AFF3: variants seen among roughly 807,000 people sequenced by gnomAD.
The protein encoded by AFF3 is AF4/FMR2 family member 3.
A neutral mutation model predicts 129.7 loss-of-function variants in AFF3; 32 were observed. The ratio of observed to expected loss-of-function variants is 0.25; its 90% CI spans 0.19 to 0.33. AFF3 has a LOEUF of 0.33. Ranked by LOEUF, AFF3 falls within the 10% of genes least tolerant of loss-of-function variation. AFF3 has a pLI of 1.00. For missense variants in AFF3, 1,373 were observed against 1,592.0 expected (o/e 0.86, Z 2.34); for synonymous variants, 644 against 635.4 (o/e 1.01, Z -0.20).
intron 11 of AFF3, among the ~76,000 whole-genome samples, chr2:99,719,842 G>A (rs1477135860): frequency 6.6e-6 from 1 of 152,094 alleles, no homozygotes; most frequent in Non-Finnish European, 1.5e-5. Context: ...AAGGTCAGGA[G>A]ATGGAGACCA....
chr2:99,556,703 C>T (rs1350952200), intron 22 of AFF3, among the ~76,000 whole-genome samples: 5 of 152,042 alleles, frequency 3.3e-5, no homozygotes, highest in African/African-American at 1.2e-4. Context: ...AGTAGGCTCG[C>T]TGGAGGACAG....
At chr2:99,936,181 T>C (rs1442961873) in intron 7 of AFF3, among the ~76,000 whole-genome samples, 2 of 152,122 alleles carry the variant, frequency 1.3e-5, no homozygotes, top group Non-Finnish European at 2.9e-5. Context: ...GGGTATGAAT[T>C]AGAGGATCTC....
intron 10 of AFF3, among the ~76,000 whole-genome samples, chr2:99,730,990 G>A (rs757584032): frequency 6.6e-6 from 1 of 152,116 alleles, no homozygotes; most frequent in Non-Finnish European, 1.5e-5. Flanking sequence ...GTCCCAGTCT[G>A]TTGCCCAGAC....
At chr2:99,991,007 A>C (rs1039957026) in intron 7 of AFF3, among the ~76,000 whole-genome samples, 3 of 152,148 alleles carry the variant, frequency 2.0e-5, no homozygotes, top group Non-Finnish European at 4.4e-5. Context: ...CCACAGGCTC[A>C]AATGAGGCCC....
chr2:100,093,849 G>A (rs1280477255), intron 4 of AFF3, among the ~76,000 whole-genome samples: 5 of 152,198 alleles, frequency 3.3e-5, no homozygotes, highest in Non-Finnish European at 7.3e-5. Flanking sequence ...ACTGTAACCT[G>A]AGCCCAGACT....
At chr2:99,992,610 T>C (rs1030646807) in intron 7 of AFF3, among the ~76,000 whole-genome samples, 3 of 152,238 alleles carry the variant, frequency 2.0e-5, no homozygotes, top group African/African-American at 7.2e-5. Context: ...TTGGAGTTTA[T>C]AGATCCCACT....
At chr2:100,069,711 C>T (rs6714788) in intron 4 of AFF3, among the ~76,000 whole-genome samples, 78,815 of 151,948 alleles carry the variant, frequency 0.52, 20,962 homozygotes, top group African/African-American at 0.62. Context: ...TACGATATAA[C>T]TTGAATCAGT....
In AFF3 at chr2:100,104,466, T is replaced by C. The variant is rs2105495512; in HGVS notation, c.-12A>G. 3 of 1,309,164 alleles carry C rather than the reference T, an allele frequency of 2.3e-6. No individual in the cohort carries two copies. The highest frequency in any genetic ancestry group is 5.1e-5 in the East Asian group (1 of 19,576). 81.1% of individuals were successfully genotyped at this position (1,309,164 alleles called of 1,614,324 possible). A position where few individuals can be genotyped will look rare whatever the true frequency, so the allele number is the denominator to read the frequency against. ...TCGAAGCTGTCCATGGTGGGAGGTG[T>C]CAGCGTCGCCGCCGCCGCTACCGCC... is the stretch of plus-strand genomic sequence containing the variant. On this transcript the variant is annotated 5_prime_UTR_variant, in exon 4 of 25. Transcript: ENST00000672756.
intron 8 of AFF3, among the ~76,000 whole-genome samples, chr2:99,769,375 T>G (rs1683281583): frequency 6.6e-6 from 1 of 152,330 alleles, no homozygotes; most frequent in East Asian, 1.9e-4. Context: ...TTGTTAAATT[T>G]ATCTGATAGA....
intron 7 of AFF3, among the ~76,000 whole-genome samples, chr2:99,887,584 C>A (rs1446441400): frequency 2.0e-5 from 3 of 152,076 alleles, no homozygotes. Flanking sequence ...CGCTGTTTAC[C>A]AGGAAATATA....
chr2:99,985,825 G>A (rs762768298), intron 7 of AFF3, among the ~76,000 whole-genome samples: 1 of 152,082 alleles, frequency 6.6e-6, no homozygotes, highest in Non-Finnish European at 1.5e-5. Context: ...ATACAGGTGT[G>A]TGCAGTTTGT....
chr2:100,040,019 C>T (rs188503327), intron 4 of AFF3, among the ~76,000 whole-genome samples: 444 of 152,280 alleles, frequency 2.9e-3, no homozygotes, highest in Non-Finnish European at 4.7e-3. Flanking sequence ...AGATTCACTA[C>T]CTCAGCCTTG....
chr2:99,660,888 T>C (rs908185098), intron 12 of AFF3, among the ~76,000 whole-genome samples: 10 of 152,202 alleles, frequency 6.6e-5, no homozygotes, highest in Non-Finnish European at 1.5e-4. Flanking sequence ...ACATGATTTT[T>C]CTCCGTGTAG....
chr2:99,795,590 C>A (rs1195764078), intron 8 of AFF3, among the ~76,000 whole-genome samples: 1 of 152,120 alleles, frequency 6.6e-6, no homozygotes, highest in Non-Finnish European at 1.5e-5. Context: ...CCAGGATGAT[C>A]ACAGGAAAAC....
intron 8 of AFF3, among the ~76,000 whole-genome samples, chr2:99,785,189 T>C (rs1684703513): frequency 6.6e-6 from 1 of 152,194 alleles, no homozygotes; most frequent in Non-Finnish European, 1.5e-5. Context: ...CTGTTCTTAA[T>C]CGAACTCTGG....
At chr2:99,822,756 T>C (rs907412472) in intron 8 of AFF3, among the ~76,000 whole-genome samples, 1 of 152,148 alleles carries the variant, frequency 6.6e-6, no homozygotes, top group African/African-American at 2.4e-5. Context: ...TTTATTCCCA[T>C]CACAGTGGGC....
chr2:99,961,910 G>C lies in AFF3; in HGVS notation c.873+44722C>G, dbSNP rs13407367. Among the ~76,000 whole-genome samples the C allele has an allele frequency of 3.5e-3, 528 of 152,240 alleles. 3 individuals are homozygous for C. The highest frequency in any genetic ancestry group is 0.012 in the African/African-American group (502 of 41,554). On this transcript the variant is annotated intron_variant, in intron 7 of 24. Transcript: ENST00000672756. ...AGGCGGATAGATCAATCACCCCACT[G>C]AAAAAACTTGGCCAGATGAAGCACT...
intron 22 of AFF3, among the ~76,000 whole-genome samples, chr2:99,557,051 A>AT (rs1192376247): frequency 3.9e-5 from 6 of 152,176 alleles, no homozygotes; most frequent in Non-Finnish European, 7.3e-5. Context: ...AAAAGAATCG[A>AT]TTTTAAATGT....
In AFF3 at chr2:100,027,294, G is replaced by A. The variant is rs189124928; in HGVS notation, c.54-18362C>T. On this transcript the variant is annotated intron_variant, in intron 4 of 24. Transcript: ENST00000672756. ...TTTGCATCTGCTCCAGAATAATGGT[G>A]GTCTCTGATAAATAAGCTGCATTAT... is the stretch of plus-strand genomic sequence containing the variant. 1.9e-3 allele frequency among the ~76,000 whole-genome samples: 291 copies of A among 152,228 alleles called. 1 individual carries two copies. The highest frequency in any genetic ancestry group is 2.5e-3 in the Non-Finnish European group (169 of 68,014).
Sources: allele counts gnomAD v4.1 joint callset (sites outside exome capture counted in the v4.1 genomes callset), GRCh38; gene constraint gnomAD v4.1.1; transcripts MANE v1.5; gene names NCBI Gene and HGNC (gene_info 2026-07-23, HGNC 2026-07-21).